Variants in CPNE4 observed in about 807,000 individuals in gnomAD.
The protein encoded by CPNE4 is copine-4.
CPNE4 carries 25 observed loss-of-function variants against 67.9 expected under a neutral mutation model. The observed-to-expected ratio is 0.37, with a 90% CI of 0.27 to 0.51. CPNE4 has a LOEUF of 0.51. CPNE4 is among the 20% of genes least tolerant of loss of function. The probability of loss-of-function intolerance (pLI) is 0.93; values close to 1 mark genes in which losing one functional copy is unlikely to be tolerated. For missense variants in CPNE4, 464 were observed against 690.8 expected (o/e 0.67, Z 3.68); for synonymous variants, 242 against 244.9 (o/e 0.99, Z 0.11).
At chr3:131,882,410 C>CTT in intron 2 of CPNE4, among the ~76,000 whole-genome samples, 1 of 152,102 alleles carries the variant, frequency 6.6e-6, no homozygotes, top group African/African-American at 2.4e-5. Context: ...TAATATTAAA[C>CTT]TATAAAGATT....
chr3:131,908,179 T>C (rs1358046049), intron 1 of CPNE4, among the ~76,000 whole-genome samples: 1 of 152,056 alleles, frequency 6.6e-6, no homozygotes, highest in African/African-American at 2.4e-5. Context: ...CCGTACAGAG[T>C]CATACATCCC....
At chr3:132,026,066 A>G (rs2074109269) in intron 1 of CPNE4, among the ~76,000 whole-genome samples, 1 of 152,252 alleles carries the variant, frequency 6.6e-6, no homozygotes, top group African/African-American at 2.4e-5. Flanking sequence ...TCATATATCA[A>G]TTTGGATGAT....
intron 1 of CPNE4, among the ~76,000 whole-genome samples, chr3:132,013,765 GTAT>G (rs2073826849): frequency 6.6e-6 from 1 of 152,098 alleles, no homozygotes; most frequent in African/African-American, 2.4e-5. Context: ...CTGGGAACTC[GTAT>G]TATTATTATT....
chr3:131,797,207 C>A (rs2083942041), intron 2 of CPNE4, among the ~76,000 whole-genome samples: 1 of 152,180 alleles, frequency 6.6e-6, no homozygotes, highest in African/African-American at 2.4e-5. Flanking sequence ...ACTTTACACC[C>A]CTCATGATTT....
chr3:131,741,941 T>C (rs569843829), intron 2 of CPNE4, among the ~76,000 whole-genome samples: 1 of 152,316 alleles, frequency 6.6e-6, no homozygotes, highest in South Asian at 2.1e-4. Context: ...GGAATGAACA[T>C]CTTTGCCCTC....
At chr3:131,723,069 T>C (rs1263623484) in intron 3 of CPNE4, among the ~76,000 whole-genome samples, 4 of 152,180 alleles carry the variant, frequency 2.6e-5, no homozygotes, top group African/African-American at 4.8e-5. Context: ...ACTTGCTGCA[T>C]AGGGGTTCTC....
intron 1 of CPNE4, among the ~76,000 whole-genome samples, chr3:131,932,216 G>T (rs149223437): frequency 4.6e-5 from 7 of 152,150 alleles, no homozygotes; most frequent in Non-Finnish European, 1.0e-4. Flanking sequence ...AATTTGAAAG[G>T]CCTCATTACC....
At chr3:131,886,677 A>T (rs1406494496) in intron 2 of CPNE4, among the ~76,000 whole-genome samples, 1 of 151,762 alleles carries the variant, frequency 6.6e-6, no homozygotes, top group Non-Finnish European at 1.5e-5. Flanking sequence ...AGACCATGGG[A>T]ACCCACCTCT....
intron 1 of CPNE4, among the ~76,000 whole-genome samples, chr3:131,920,514 C>T (rs35554235): frequency 3.3e-4 from 50 of 152,070 alleles, no homozygotes; most frequent in Non-Finnish European, 6.8e-4. Flanking sequence ...CAAGGCAGGA[C>T]AGACTGGAAG....
chr3:131,929,805 G>A (rs111917610), intron 1 of CPNE4, among the ~76,000 whole-genome samples: 2,546 of 152,240 alleles, frequency 0.017, 67 homozygotes, highest in African/African-American at 0.059. Flanking sequence ...GAGCTCTCCT[G>A]GAGATGCAAA....
intron 1 of CPNE4, among the ~76,000 whole-genome samples, chr3:132,001,071 C>G (rs1160537907): frequency 6.6e-6 from 1 of 151,876 alleles, no homozygotes; most frequent in Non-Finnish European, 1.5e-5. Context: ...GTTTTAATGT[C>G]CAATTTTGGT....
intron 2 of CPNE4, among the ~76,000 whole-genome samples, chr3:131,820,636 T>C (rs919035721): frequency 1.3e-5 from 2 of 152,258 alleles, no homozygotes; most frequent in African/African-American, 4.8e-5. Flanking sequence ...ATAGAAGTTC[T>C]GGTATCCAGA....
intron 7 of CPNE4, among the ~76,000 whole-genome samples, chr3:131,591,212 A>G (rs1398453732): frequency 1.3e-5 from 2 of 152,220 alleles, no homozygotes; most frequent in African/African-American, 2.4e-5. Context: ...TTTGAGGCTC[A>G]TAACTTTGCC....
Position 131,910,175 on chromosome 3 carries a change from G to A in CPNE4, c.-1-4731C>T, listed in dbSNP as rs559009147. On this transcript the variant is annotated intron_variant, in intron 1 of 15. Coordinates refer to ENST00000429747, the MANE Select transcript of CPNE4 (RefSeq NM_130808.3). ...CCTAAAAGGCTTACCTCCATTGACTGCCAGCACACTGTTGGCAAGTGTTAT... is the reference window on the plus strand; with the variant it reads ...CCTAAAAGGCTTACCTCCATTGACTACCAGCACACTGTTGGCAAGTGTTAT... Among the ~76,000 whole-genome samples the A allele has an allele frequency of 1.0e-3, 155 of 152,164 alleles. No homozygotes were observed. The Middle Eastern group carries it at 0.01, about 10-fold the overall frequency.
At chr3:131,981,601 T>C (rs2072911231) in intron 1 of CPNE4, among the ~76,000 whole-genome samples, 1 of 152,182 alleles carries the variant, frequency 6.6e-6, no homozygotes, top group Non-Finnish European at 1.5e-5. Context: ...CCCCGAGTTC[T>C]GGCCAGAAGG....
intron 3 of CPNE4, among the ~76,000 whole-genome samples, chr3:131,702,497 G>C (rs2081325600): frequency 6.6e-6 from 1 of 152,132 alleles, no homozygotes; most frequent in Non-Finnish European, 1.5e-5. Flanking sequence ...TCTGACTAAA[G>C]AAAGGCAATG....
chr3:131,620,050 A>C lies in CPNE4; in HGVS notation c.682-32468T>G, dbSNP rs1582903734. 2.0e-5 allele frequency among the ~76,000 whole-genome samples: 3 copies of C among 152,186 alleles called. No homozygotes were observed. In the East Asian group the frequency reaches 5.8e-4, roughly 29 times the overall value. ...AATCCTCCTCTAATTGGGCAAAAGT[A>C]GTGAGTGGCCATTCTGCCAGGCTCT... On this transcript the variant is annotated intron_variant, in intron 7 of 15. Transcript: ENST00000429747.
chr3:131,554,858 G>A (rs1489138840), intron 12 of CPNE4, among the ~76,000 whole-genome samples: 1 of 152,046 alleles, frequency 6.6e-6, no homozygotes, highest in Non-Finnish European at 1.5e-5. Flanking sequence ...GTTCTCTGTG[G>A]AGAATGTTCT....
chr3:131,594,382 C>T (rs1226490578), intron 7 of CPNE4, among the ~76,000 whole-genome samples: 1 of 151,998 alleles, frequency 6.6e-6, no homozygotes. Flanking sequence ...ATAGAGAGGC[C>T]AAAACCAAAA....
Sources: gnomAD v4.1 joint callset for allele counts (sites outside exome capture counted in the v4.1 genomes callset) on GRCh38, gnomAD v4.1.1 for gene constraint, MANE v1.5 for transcripts, NCBI Gene and HGNC (gene_info 2026-07-23, HGNC 2026-07-21) for gene names.